The following DCAF8L2 variants were observed in gnomAD, a reference collection of about 807,000 sequenced individuals.
The protein encoded by DCAF8L2 is DDB1 and CUL4 associated factor 8 like 2.
For missense variants in DCAF8L2, 430 were observed against 490.7 expected (o/e 0.88, Z 1.17); for synonymous variants, 200 against 190.9 (o/e 1.05, Z -0.39).
At chrX:27,541,828 T>C in the DCAF8L2 span, among the ~76,000 whole-genome samples, 1 of 111,329 alleles carries the variant, frequency 9.0e-6, no homozygotes, top group Non-Finnish European at 1.9e-5. Context: ...TGTTTTACAG[T>C]CCCTGCCTCC....
At chrX:27,669,095 C>T (rs1929850230) in intron 2 of DCAF8L2, among the ~76,000 whole-genome samples, 1 of 111,326 alleles carries the variant, frequency 9.0e-6, no homozygotes, top group Non-Finnish European at 1.9e-5. Context: ...CTATATTTCC[C>T]AATTTTACAA....
intron 2 of DCAF8L2, among the ~76,000 whole-genome samples, chrX:27,650,882 AG>A (rs1176620180): frequency 9.0e-6 from 1 of 111,217 alleles, no homozygotes; most frequent in Non-Finnish European, 1.9e-5. Context: ...CCAGTTCTCA[AG>A]GGGGATGCTT....
intron 3 of DCAF8L2, among the ~76,000 whole-genome samples, chrX:27,679,247 C>T (rs900881286): frequency 1.6e-4 from 18 of 111,481 alleles, no homozygotes; most frequent in African/African-American, 5.5e-4. Context: ...AGGGGTCCTC[C>T]TTGGTACTGT....
chrX:27,521,804 G>A, the DCAF8L2 span, among the ~76,000 whole-genome samples: 89 of 111,431 alleles, frequency 8.0e-4, no homozygotes, highest in Non-Finnish European at 1.5e-3. Flanking sequence ...TTATTAGAAC[G>A]AAAAAGGTAT....
intron 4 of DCAF8L2, among the ~76,000 whole-genome samples, chrX:27,731,860 A>G (rs982871211): frequency 1.8e-5 from 2 of 111,735 alleles, no homozygotes; most frequent in African/African-American, 6.5e-5. Context: ...GTATCCCACA[A>G]TTCTCTCTGA....
rs776161700 is a variant in DCAF8L2, at chrX:27,744,934, A to T, written c.-58-1904A>T. Among the ~76,000 whole-genome samples, 3 of 112,068 alleles carry T rather than the reference A, an allele frequency of 2.7e-5. No homozygotes were observed. In the South Asian group the frequency reaches 1.1e-3, roughly 42 times the overall value. ...AGCCTGCTGACCTTTTAACCAAGTAAACCATTTTTCTTTTTAACTTACCCA... is the reference window on the plus strand; with the variant it reads ...AGCCTGCTGACCTTTTAACCAAGTATACCATTTTTCTTTTTAACTTACCCA... On this transcript the variant is annotated intron_variant, in intron 4 of 4. Transcript: ENST00000451261.
chrX:27,482,000 T>C, the DCAF8L2 span, among the ~76,000 whole-genome samples: 5 of 111,884 alleles, frequency 4.5e-5, no homozygotes, highest in Admixed American at 9.5e-5. Context: ...AAGATAAGCA[T>C]TTCCATTCTA....
chrX:27,624,950 C>A (rs1164624654), intron 1 of DCAF8L2, among the ~76,000 whole-genome samples: 1 of 111,817 alleles, frequency 8.9e-6, no homozygotes, highest in Non-Finnish European at 1.9e-5. Context: ...GCAAAGATTT[C>A]TGATAAAGAT....
chrX:27,622,009 A>C (rs73530625), intron 1 of DCAF8L2, among the ~76,000 whole-genome samples: 16,891 of 109,155 alleles, frequency 0.15, 1,644 homozygotes, highest in African/African-American at 0.35. Flanking sequence ...ACAACAACAA[A>C]AAAAAAAGAT....
At chrX:27,601,328 A>G (rs1926631359) in intron 1 of DCAF8L2, among the ~76,000 whole-genome samples, 3 of 112,520 alleles carry the variant, frequency 2.7e-5, no homozygotes, top group African/African-American at 6.5e-5. Flanking sequence ...TGTGAACCAC[A>G]TATGTAGGAA....
chrX:27,584,374 A>G, the DCAF8L2 span, among the ~76,000 whole-genome samples: 2 of 110,680 alleles, frequency 1.8e-5, no homozygotes, highest in Non-Finnish European at 3.8e-5. Flanking sequence ...GAATCCCATT[A>G]TTATTCACCC....
the DCAF8L2 span, chrX:27,518,507 A>C: frequency 5.2e-6 from 2 of 386,212 alleles, no homozygotes; most frequent in Non-Finnish European, 9.2e-6. Context: ...TGGGAGGCCG[A>C]GGCAGGCGGA....
At chrX:27,730,619 T>C (rs775171780) in intron 4 of DCAF8L2, among the ~76,000 whole-genome samples, 2 of 110,102 alleles carry the variant, frequency 1.8e-5, no homozygotes, top group Non-Finnish European at 3.8e-5. Context: ...AGTTTCTCCA[T>C]GTTGGCCAGG....
At chrX:27,596,300 GT>G (rs1926355878) in intron 1 of DCAF8L2, among the ~76,000 whole-genome samples, 1 of 111,450 alleles carries the variant, frequency 9.0e-6, no homozygotes, top group Non-Finnish European at 1.9e-5. Flanking sequence ...GTTAAGACAG[GT>G]AAGAGAGCAA....
chrX:27,671,808 C>G (rs1454608039), intron 2 of DCAF8L2, among the ~76,000 whole-genome samples: 1 of 111,808 alleles, frequency 8.9e-6, no homozygotes, highest in African/African-American at 3.2e-5. Flanking sequence ...TAAAATAATT[C>G]TAACTGAAAT....
At chrX:27,735,014 G>A (rs1921443192) in intron 4 of DCAF8L2, among the ~76,000 whole-genome samples, 1 of 112,008 alleles carries the variant, frequency 8.9e-6, no homozygotes, top group South Asian at 3.7e-4. Flanking sequence ...AATTTGAAGT[G>A]ATGAAAGTGA....
chrX:27,494,430 T>A, the DCAF8L2 span, among the ~76,000 whole-genome samples: 459 of 109,292 alleles, frequency 4.2e-3, 1 homozygote, highest in Non-Finnish European at 7.3e-3. Context: ...AAATAAAAAT[T>A]AAAAAAAAAG....
chrX:27,720,290 G>T, intron 4 of DCAF8L2, among the ~76,000 whole-genome samples: 1 of 111,908 alleles, frequency 8.9e-6, no homozygotes, highest in Non-Finnish European at 1.9e-5. Flanking sequence ...TATCGTTATA[G>T]TGAGTCTTGA....
At chrX:27,497,509 T>C in the DCAF8L2 span, among the ~76,000 whole-genome samples, 948 of 46,511 alleles carry the variant, frequency 0.02, 50 homozygotes, top group African/African-American at 0.083. Context: ...TCTTTCTTTC[T>C]TTCCTTCCTT....
Sources: allele counts gnomAD v4.1 joint callset (sites outside exome capture counted in the v4.1 genomes callset), GRCh38; gene constraint gnomAD v4.1.1; transcripts MANE v1.5; gene names NCBI Gene and HGNC (gene_info 2026-07-23, HGNC 2026-07-21).